Variants in NIT2 observed in about 807,000 individuals in gnomAD.
NIT2 encodes the protein omega-amidase NIT2.
A neutral mutation model predicts 42.7 loss-of-function variants in NIT2; 46 were observed. That is an observed-to-expected ratio of 1.08 (90% CI 0.85 to 1.38). NIT2 has a LOEUF of 1.38. NIT2 is among the 40% of genes most tolerant of loss of function. The probability of loss-of-function intolerance (pLI) is 0.00; values close to 1 mark genes in which losing one functional copy is unlikely to be tolerated. For missense variants in NIT2, 309 were observed against 342.5 expected (o/e 0.90, Z 0.77); for synonymous variants, 123 against 121.9 (o/e 1.01, Z -0.06).
At chr3:100,349,885 T>C (rs1706256607) in intron 7 of NIT2, 1 of 152,146 alleles carries the variant, frequency 6.6e-6, no homozygotes, top group Non-Finnish European at 1.5e-5. Flanking sequence ...TGACTGTGAG[T>C]GTGTCTGTCT....
Position 100,354,846 on chromosome 3 carries a change from T to G in NIT2, c.739+19T>G, listed in dbSNP as rs763509401. 7 of 1,606,846 alleles carry G rather than the reference T, an allele frequency of 4.4e-6. No homozygotes were observed. Among genetic ancestry groups the G allele is most frequent in the Non-Finnish European group, 6.0e-6 (7 of 1,174,904 alleles). Reference sequence around the variant, plus strand: ...GACATAGGTAAGATTTTCCTGGGCATGGTTTAGGTCTCTGATGTCCCCATT... The same window carrying G: ...GACATAGGTAAGATTTTCCTGGGCAGGGTTTAGGTCTCTGATGTCCCCATT... On this transcript the variant is annotated intron_variant, in intron 9 of 9. Transcript: ENST00000394140.
In NIT2 at chr3:100,335,164, C is replaced by T. The variant is rs1033106522; in HGVS notation, c.7+366C>T. ...TCAAGTTGCGTGACCTCCTCCAGCC[C>T]CGCCCTGCACAAAGGTGCCCAGGCG... On this transcript the variant is annotated intron_variant, in intron 1 of 9. Transcript: ENST00000394140. 4 of 263,120 alleles carry T rather than the reference C, an allele frequency of 1.5e-5. No homozygotes were observed. The Admixed American group carries it at 2.0e-4, about 13-fold the overall frequency. The allele number at this position is 263,120 out of a possible 1,614,324, so 16.3% of individuals were successfully genotyped here.
At position 100,348,881 on chromosome 3, in the gene NIT2, G is replaced by T; in HGVS notation, c.584G>T (p.Arg195Leu). The change falls in exon 7 of 10, where the codon CGG becomes CTG. Residue 195 changes from arginine (R) to leucine (L), a missense_variant and splice_region_variant. Physicochemically the swap from Arg to Leu is moderately radical, Grantham distance 102. Coordinates refer to ENST00000394140, the MANE Select transcript of NIT2 (RefSeq NM_020202.5). ...CATTGGGAGTTACTTCAGCGAAGCCGGTAAGAAAGGAACCATATATTCAAG... is the reference window on the plus strand; with the variant it reads ...CATTGGGAGTTACTTCAGCGAAGCCTGTAAGAAAGGAACCATATATTCAAG... ...PAHWELLQRSRAVDNQVYVAT... is the reference protein window; with the variant it reads ...PAHWELLQRSLAVDNQVYVAT... 2 of 1,613,208 alleles carry T rather than the reference G, an allele frequency of 1.2e-6. No individual in the cohort carries two copies. Among genetic ancestry groups the T allele is most frequent in the Non-Finnish European group, 1.7e-6 (2 of 1,179,282 alleles).
intron 7 of NIT2, among the ~76,000 whole-genome samples, chr3:100,351,653 C>G (rs1706275306): frequency 6.6e-6 from 1 of 152,070 alleles, no homozygotes; most frequent in African/African-American, 2.4e-5. Context: ...CCATAAAAAC[C>G]CTAGAAGAAA....
chr3:100,336,011 A>C (rs1032645764), intron 1 of NIT2, among the ~76,000 whole-genome samples: 1 of 152,224 alleles, frequency 6.6e-6, no homozygotes, highest in African/African-American at 2.4e-5. Flanking sequence ...TTTGCCCCAG[A>C]ATAATCCCAG....
chr3:100,352,402 AG>A lies in NIT2; in HGVS notation c.586del. On this transcript the variant is annotated splice_acceptor_variant, in intron 7 of 9. Transcript: ENST00000394140. LOFTEE classifies it high-confidence loss of function. Reference sequence around the variant, plus strand: ...TACCTCTTTCCTGTCTATTGACTACAGGGCTGTTGATAATCAGGTGTATGTG... The same window carrying A: ...TACCTCTTTCCTGTCTATTGACTACAGGCTGTTGATAATCAGGTGTATGTG... 6.2e-7 allele frequency: 1 copy of A among 1,610,106 alleles called. No homozygotes were observed. The highest frequency in any genetic ancestry group is 8.5e-7 in the Non-Finnish European group (1 of 1,176,730).
At chr3:100,352,255 A>G (rs767280296) in intron 7 of NIT2, 149 bp from the exon 8 acceptor site, 18 of 521,144 alleles carry the variant, frequency 3.5e-5, no homozygotes, top group Non-Finnish European at 5.3e-5. Context: ...GTAACTTTTT[A>G]AAGAGAAGGT....
At chr3:100,354,250 G>T (rs1486573915) in intron 8 of NIT2, among the ~76,000 whole-genome samples, 3 of 152,228 alleles carry the variant, frequency 2.0e-5, no homozygotes, top group Non-Finnish European at 4.4e-5. Flanking sequence ...CATTAACACA[G>T]GGGTTCAGGT....
At position 100,339,877 on chromosome 3, in the gene NIT2, T is replaced by G. The variant is rs771306955; in HGVS notation, c.189T>G (p.Gly63=). 1.2e-5 allele frequency: 20 copies of G among 1,613,506 alleles called. No individual in the cohort carries two copies. In the South Asian group the frequency reaches 2.2e-4, roughly 18 times the overall value. ...YFPEYAEKIP[G]ESTQKLSEVA... ...CTGAATATGCAGAGAAAATTCCTGG[T>G]GAATCCACACAGAAGCTTTCTGAAG... Residue 63 remains glycine, a synonymous_variant, in exon 3 of 10, where the codon GGT becomes GGG. Coordinates refer to ENST00000394140, the MANE Select transcript of NIT2 (RefSeq NM_020202.5).
Position 100,357,631 on chromosome 3 carries a change from ACATTT to A in NIT2, c.*2365_*2369del, listed in dbSNP as rs1330678339. 6.8e-6 allele frequency: 1 copy of A among 147,546 alleles called. No homozygotes were observed. The highest frequency in any genetic ancestry group is 1.5e-5 in the Non-Finnish European group (1 of 66,706). 9.1% of individuals were successfully genotyped at this position (147,546 alleles called of 1,614,324 possible). A position where few individuals can be genotyped will look rare whatever the true frequency, so the allele number is the denominator to read the frequency against. ...AAGGCAGGTGGATGCTAAACTTTTT[ACATTT>A]CTTTTTTTTTTTTTTTTTTTTTTGA... On this transcript the variant is annotated 3_prime_UTR_variant, in exon 10 of 10. Transcript: ENST00000394140.
rs1706327663 is a variant in NIT2, at chr3:100,356,629, ATTAAG to A, written c.*1364_*1368del. 1.3e-5 allele frequency: 2 copies of A among 152,216 alleles called. No individual in the cohort carries two copies. The highest frequency in any genetic ancestry group is 4.1e-4 in the South Asian group (2 of 4,832). The allele number at this position is 152,216 out of a possible 1,614,324, so 9.4% of individuals were successfully genotyped here. A position where few individuals can be genotyped will look rare whatever the true frequency, so the allele number is the denominator to read the frequency against. ...AGAGAAAGACAAATGACTTTTTTAA[ATTAAG>A]TTTTTAATTTACAATTGATGCATAA... is the stretch of plus-strand genomic sequence containing the variant. On this transcript the variant is annotated 3_prime_UTR_variant, in exon 10 of 10. Transcript: ENST00000394140.
intron 1 of NIT2, among the ~76,000 whole-genome samples, chr3:100,338,330 A>G (rs1177728910): frequency 6.6e-6 from 1 of 152,086 alleles, no homozygotes; most frequent in Non-Finnish European, 1.5e-5. Flanking sequence ...ATCTCTTTCA[A>G]CCTCTCATGG....
intron 1 of NIT2, among the ~76,000 whole-genome samples, chr3:100,336,991 C>T (rs12634845): frequency 1.3e-5 from 2 of 152,196 alleles, no homozygotes; most frequent in East Asian, 1.9e-4. Context: ...GAGGTCCCTG[C>T]GGCCTTCCGC....
rs1203414672 is a variant in NIT2 at position 100,359,610 on chromosome 3, T to C, written c.*4342T>C. ...TGTGACCTTGCTCATACTGCCTCTC[T>C]CACCACTTAACATTGTCCCTTAGAT... On this transcript the variant is annotated 3_prime_UTR_variant, in exon 10 of 10. Coordinates refer to ENST00000394140, the MANE Select transcript of NIT2 (RefSeq NM_020202.5). The C allele has an allele frequency of 1.3e-5, 2 of 152,252 alleles. No homozygotes were observed. The highest frequency in any genetic ancestry group is 6.5e-5 in the Admixed American group (1 of 15,282). 9.4% of individuals were successfully genotyped at this position (152,252 alleles called of 1,614,324 possible). A position where few individuals can be genotyped will look rare whatever the true frequency, so the allele number is the denominator to read the frequency against.
At chr3:100,351,809 G>C (rs1414291312) in intron 7 of NIT2, among the ~76,000 whole-genome samples, 1 of 152,136 alleles carries the variant, frequency 6.6e-6, no homozygotes, top group East Asian at 1.9e-4. Context: ...ACTACCATCA[G>C]AGTGAATAGG....
chr3:100,346,866 A>G (rs1201708218), intron 6 of NIT2, among the ~76,000 whole-genome samples: 1 of 152,098 alleles, frequency 6.6e-6, no homozygotes, highest in African/African-American at 2.4e-5. Flanking sequence ...CTACTTCCAA[A>G]TAGACTGTCA....
Position 100,352,444 on chromosome 3 carries a change from G to C in NIT2, c.625G>C (p.Ala209Pro). Reference sequence around the variant, plus strand: ...GGTGTATGTGGCCACAGCCTCTCCTGCCCGGGATGACAAAGCCTCCTATGT... The same window carrying C: ...GGTGTATGTGGCCACAGCCTCTCCTCCCCGGGATGACAAAGCCTCCTATGT... The part of the protein sequence containing the change: ...NQVYVATASP[A>P]RDDKASYVAW... The change falls in exon 8 of 10, where the codon GCC becomes CCC. Residue 209 changes from alanine (A) to proline (P), a missense_variant. Transcript: ENST00000394140. The C allele has an allele frequency of 6.2e-7, 1 of 1,613,454 alleles. No individual in the cohort carries two copies. Among genetic ancestry groups the C allele is most frequent in the East Asian group, 2.2e-5 (1 of 44,856 alleles).
intron 7 of NIT2, among the ~76,000 whole-genome samples, chr3:100,350,354 T>C (rs1334264857): frequency 6.6e-6 from 1 of 152,200 alleles, no homozygotes; most frequent in Non-Finnish European, 1.5e-5. Context: ...GTACCTGGAC[T>C]GCGAGCTGCA....
chr3:100,334,765 C>A lies in NIT2; in HGVS notation c.-27C>A. The stretch of plus-strand genomic sequence containing the variant: ...CCGGATCTCCAGCGCTCAGTCCGCG[C>A]CGCAGGTGGTGCTTGTCTGCAGAGT... On this transcript the variant is annotated 5_prime_UTR_variant, in exon 1 of 10. Transcript: ENST00000394140. 7.7e-7 allele frequency: 1 copy of A among 1,303,572 alleles called. No homozygotes were observed. Among genetic ancestry groups the A allele is most frequent in the Non-Finnish European group, 9.8e-7 (1 of 1,020,246 alleles). The allele number at this position is 1,303,572 out of a possible 1,614,324, so 80.8% of individuals were successfully genotyped here.
Sources: gnomAD v4.1 joint callset for allele counts (sites outside exome capture counted in the v4.1 genomes callset) on GRCh38, gnomAD v4.1.1 for gene constraint, MANE v1.5 for transcripts, NCBI Gene and HGNC (gene_info 2026-07-23, HGNC 2026-07-21) for gene names.